Variants in CWF19L2 observed in about 807,000 individuals in gnomAD.
CWF19L2 encodes the protein CWF19 like cell cycle control factor 2, also known as CWF19-like protein 2.
CWF19L2 carries 98 observed loss-of-function variants against 111.7 expected under a neutral mutation model. That is an observed-to-expected ratio of 0.88 (90% CI 0.75 to 1.04). The LOEUF (loss-of-function observed/expected upper bound fraction) is 1.04, where lower values mean the gene tolerates loss of function less well. Ranked by LOEUF, CWF19L2 falls within the 50% of genes least tolerant of loss-of-function variation. The probability of loss-of-function intolerance (pLI) is 0.00; values close to 1 mark genes in which losing one functional copy is unlikely to be tolerated. For missense variants in CWF19L2, 1,101 were observed against 1,051.4 expected, an observed-to-expected ratio of 1.05 and a Z score of -0.65; for synonymous variants, 351 against 342.9, an observed-to-expected ratio of 1.02 and a Z score of -0.26.
In CWF19L2 at chr11:107,388,134, C is replaced by T. The variant is rs561804493; in HGVS notation, c.1872+1940G>A. Reference sequence around the variant, plus strand: ...AACATCACCTATATGGAAAGACTTTCCCTCAGCAACACTCTGTTGAAAATA... The same window carrying T: ...AACATCACCTATATGGAAAGACTTTTCCTCAGCAACACTCTGTTGAAAATA... On this transcript the variant is annotated intron_variant, in intron 12 of 17. Transcript: ENST00000282251. Among the ~76,000 whole-genome samples, 4 of 152,290 alleles carry T rather than the reference C, an allele frequency of 2.6e-5. No individual in the cohort carries two copies. In the South Asian group the frequency reaches 8.3e-4, roughly 32 times the overall value.
At chr11:107,385,897 C>T (rs1860758284) in intron 12 of CWF19L2, among the ~76,000 whole-genome samples, 1 of 152,144 alleles carries the variant, frequency 6.6e-6, no homozygotes, top group Non-Finnish European at 1.5e-5. Flanking sequence ...GTTCAAGTAA[C>T]CCTTATTTTA....
intron 10 of CWF19L2, among the ~76,000 whole-genome samples, chr11:107,413,971 T>C (rs942846183): frequency 6.6e-6 from 1 of 152,200 alleles, no homozygotes; most frequent in African/African-American, 2.4e-5. Context: ...TCCTTCAGCA[T>C]CAAAAAGAGG....
At chr11:107,428,521 TA>T (rs1861411966) in intron 8 of CWF19L2, among the ~76,000 whole-genome samples, 1 of 151,996 alleles carries the variant, frequency 6.6e-6, no homozygotes, top group African/African-American at 2.4e-5. Context: ...CACATACATT[TA>T]AAACATTAAC....
chr11:107,362,967 G>C lies in CWF19L2; in HGVS notation c.1873-9231C>G, dbSNP rs975920987. Among the ~76,000 whole-genome samples, 1,371 of 152,066 alleles carry C rather than the reference G, an allele frequency of 9.0e-3. 15 individuals carry two copies. The highest frequency in any genetic ancestry group is 0.032 in the African/African-American group (1,309 of 41,472). On this transcript the variant is annotated intron_variant, in intron 12 of 17. Transcript: ENST00000282251. ...GTATAACTAGAACAACCAATACAGA[G>C]AAGTGCTTAAAGGAGCTGATGGAGC...
At chr11:107,387,899 T>C (rs143495287) in intron 12 of CWF19L2, among the ~76,000 whole-genome samples, 4 of 152,302 alleles carry the variant, frequency 2.6e-5, no homozygotes, top group African/African-American at 9.6e-5. Flanking sequence ...ATGGGCCCCC[T>C]GCCTTACGTA....
intron 16 of CWF19L2, among the ~76,000 whole-genome samples, chr11:107,333,416 TAATA>T (rs1183390953): frequency 1.3e-5 from 2 of 152,190 alleles, no homozygotes; most frequent in African/African-American, 4.8e-5. Context: ...AAACGGGGAC[TAATA>T]AATCAAATTT....
In CWF19L2 at chr11:107,353,646, C is replaced by T. The variant is rs1185648605; in HGVS notation, c.1963G>A (p.Glu655Lys). The T allele has an allele frequency of 1.2e-6, 2 of 1,613,680 alleles. No homozygotes were observed. The highest frequency in any genetic ancestry group is 3.3e-5 in the Admixed American group (2 of 59,986). ...GCAATAGCTTTTTTCCTTTGGTTCT[C>T]TTCCTCTTCACCAAGACGTTCTCTC... ...AERERLGEEE[E>K]NQRKKAIAEH... is the part of the protein sequence containing the mutation. Residue 655 changes from glutamate to lysine, a missense_variant, in exon 13 of 18, where the codon GAG becomes AAG. Physicochemically the swap from Glu to Lys is moderately conservative, Grantham distance 56 (BLOSUM62 1). Coordinates refer to ENST00000282251, the MANE Select transcript of CWF19L2 (RefSeq NM_152434.3).
chr11:107,355,648 G>A (rs1186459638), intron 12 of CWF19L2, among the ~76,000 whole-genome samples: 1 of 152,096 alleles, frequency 6.6e-6, no homozygotes, highest in Non-Finnish European at 1.5e-5. Context: ...ACAACATTCT[G>A]TAGATTATGT....
intron 6 of CWF19L2, among the ~76,000 whole-genome samples, chr11:107,437,895 G>T (rs1313162609): frequency 6.6e-6 from 1 of 152,132 alleles, no homozygotes; most frequent in East Asian, 1.9e-4. Context: ...ATAGTTGAGT[G>T]AGCTAACTTA....
chr11:107,372,659 T>C lies in CWF19L2; in HGVS notation c.1872+17415A>G, dbSNP rs1289042252. 2.2e-5 allele frequency among the ~76,000 whole-genome samples: 3 copies of C among 135,232 alleles called. 1 individual carries two copies. The highest frequency in any genetic ancestry group is 4.7e-5 in the Non-Finnish European group (3 of 63,562). The allele number at this position is 135,232 out of a possible 152,430, so 88.7% of individuals were successfully genotyped here. ...AACAAAAAAATTATTCTGGTTTCAG[T>C]GAGATAAGAGTTAAGAAAGAAGTGA... On this transcript the variant is annotated intron_variant, in intron 12 of 17. Coordinates refer to ENST00000282251, the MANE Select transcript of CWF19L2 (RefSeq NM_152434.3).
rs1861646616 is a variant in CWF19L2, at chr11:107,442,807, GGAGGGAGGGAGGGGGA to G, written c.450+116_450+131del. The stretch of plus-strand genomic sequence containing the variant: ...GGAAGGAAGGAAGGGAGGGAGGGAG[GGAGGGAGGGAGGGGGA>G]GGGAGGGAGAGAGGGACAGAGAGGG... On this transcript the variant is annotated intron_variant, in intron 4 of 17. Coordinates refer to ENST00000282251, the MANE Select transcript of CWF19L2 (RefSeq NM_152434.3). 3 of 396,966 alleles carry G rather than the reference GGAGGGAGGGAGGGGGA, an allele frequency of 7.6e-6. No individual in the cohort carries two copies. In the East Asian group the frequency reaches 1.4e-4, roughly 19 times the overall value. The allele number at this position is 396,966 out of a possible 1,614,324, so 24.6% of individuals were successfully genotyped here.
intron 10 of CWF19L2, chr11:107,403,418 T>C: frequency 2.6e-6 from 2 of 756,536 alleles, no homozygotes; most frequent in Non-Finnish European, 4.9e-6. Context: ...TTTCTCATCT[T>C]CTGGTAGGGG....
At chr11:107,414,602 A>G (rs77889759) in intron 10 of CWF19L2, among the ~76,000 whole-genome samples, 6,139 of 152,046 alleles carry the variant, frequency 0.04, 156 homozygotes, top group East Asian at 0.11. Context: ...TCCACATCTA[A>G]CAGGCATCCA....
intron 8 of CWF19L2, among the ~76,000 whole-genome samples, chr11:107,426,898 G>A (rs1388926946): frequency 6.6e-6 from 1 of 151,816 alleles, no homozygotes; most frequent in Admixed American, 6.6e-5. Context: ...GGTTGGAAGT[G>A]ACATGAAAGG....
At chr11:107,411,994 G>A (rs1861163719) in intron 10 of CWF19L2, among the ~76,000 whole-genome samples, 1 of 152,112 alleles carries the variant, frequency 6.6e-6, no homozygotes, top group African/African-American at 2.4e-5. Flanking sequence ...ACCAGGCTGT[G>A]GAACAGTCAT....
At chr11:107,422,092 G>T (rs564001642) in intron 8 of CWF19L2, among the ~76,000 whole-genome samples, 16 of 152,178 alleles carry the variant, frequency 1.1e-4, no homozygotes, top group African/African-American at 3.9e-4. Flanking sequence ...TACTCTGAGT[G>T]AAAGAAGACA....
At chr11:107,382,790 C>T (rs1439508721) in intron 12 of CWF19L2, among the ~76,000 whole-genome samples, 1 of 152,240 alleles carries the variant, frequency 6.6e-6, no homozygotes, top group Non-Finnish European at 1.5e-5. Flanking sequence ...GAAACAGAGT[C>T]TCTCTCCTGC....
At chr11:107,445,827 T>C (rs1176504644) in intron 3 of CWF19L2, among the ~76,000 whole-genome samples, 1 of 152,194 alleles carries the variant, frequency 6.6e-6, no homozygotes, top group Non-Finnish European at 1.5e-5. Context: ...TCCCTCTTCT[T>C]TCCTACCAAC....
intron 8 of CWF19L2, among the ~76,000 whole-genome samples, chr11:107,425,875 A>C (rs1861369007): frequency 6.6e-6 from 1 of 151,986 alleles, no homozygotes; most frequent in Non-Finnish European, 1.5e-5. Context: ...ATTTTTGTTC[A>C]CATTACATAC....
Sources: allele counts gnomAD v4.1 joint callset (sites outside exome capture counted in the v4.1 genomes callset), GRCh38; gene constraint gnomAD v4.1.1; transcripts MANE v1.5; gene names NCBI Gene and HGNC (gene_info 2026-07-23, HGNC 2026-07-21).